The following PLXNA1 variants were observed in gnomAD, a reference collection of about 807,000 sequenced individuals.
PLXNA1 encodes plexin A1, also known as plexin-A1.
PLXNA1 carries 77 observed loss-of-function variants against 191.7 expected under a neutral mutation model. The observed-to-expected ratio is 0.40, with a 90% CI of 0.33 to 0.49. The LOEUF (loss-of-function observed/expected upper bound fraction) is 0.49. Ranked by LOEUF, PLXNA1 falls within the 20% of genes least tolerant of loss-of-function variation. The probability of loss-of-function intolerance (pLI) is 0.63; values close to 1 mark genes in which losing one functional copy is unlikely to be tolerated. For missense variants in PLXNA1, 2,110 were observed against 2,660.2 expected (o/e 0.79, Z 4.55); for synonymous variants, 1,137 against 1,156.4 (o/e 0.98, Z 0.34).
At chr3:127,005,780 A>C (rs1006608674) in intron 7 of PLXNA1, among the ~76,000 whole-genome samples, 9 of 151,546 alleles carry the variant, frequency 5.9e-5, no homozygotes, top group Non-Finnish European at 1.0e-4. Context: ...GGGGTGCAGG[A>C]CCCCTCTGGC....
intron 25 of PLXNA1, 60 bp from the exon 26 acceptor site, chr3:127,028,933 G>A: frequency 7.3e-7 from 1 of 1,361,956 alleles, no homozygotes; most frequent in Non-Finnish European, 1.0e-6. Context: ...CTACACTGCT[G>A]TGATGGAGGA....
At chr3:127,016,808 AC>A in intron 16 of PLXNA1, 124 bp downstream of exon 16, 2 of 1,387,620 alleles carry the variant, frequency 1.4e-6, no homozygotes, top group Non-Finnish European at 2.0e-6. Flanking sequence ...GCCGGGAAGC[AC>A]CCCTTGCCAA....
intron 7 of PLXNA1, among the ~76,000 whole-genome samples, chr3:127,005,861 A>G (rs1178466652): frequency 1.3e-5 from 2 of 151,964 alleles, no homozygotes. Flanking sequence ...GCCTGGGGAG[A>G]GTCTCGCGGT....
chr3:127,007,284 C>T (rs574165256), intron 8 of PLXNA1, among the ~76,000 whole-genome samples: 3 of 152,280 alleles, frequency 2.0e-5, no homozygotes, highest in Non-Finnish European at 2.9e-5. Flanking sequence ...CTGGCAGACC[C>T]TGGGGTGTGT....
chr3:126,991,397 A>G lies in PLXNA1; in HGVS notation c.1208A>G (p.Asp403Gly). ...CCCTTCCCACAGCCCCTGCAGATCGATGACGACTTCTGCGGGCAGGACTTC... is the reference window on the plus strand; with the variant it reads ...CCCTTCCCACAGCCCCTGCAGATCGGTGACGACTTCTGCGGGCAGGACTTC... ...LGCINSPLQI[D>G]DDFCGQDFNQ... is the part of the protein sequence containing the mutation. Residue 403 changes from aspartate (D) to glycine (G), a missense_variant, in exon 3 of 32, where the codon GAT (aspartate) becomes GGT (glycine). By Grantham distance (94) the Asp-to-Gly change is moderately conservative. Transcript: ENST00000393409. 5 of 1,612,730 alleles carry G rather than the reference A, an allele frequency of 3.1e-6. No individual in the cohort carries two copies. Among genetic ancestry groups the G allele is most frequent in the Non-Finnish European group, 4.2e-6 (5 of 1,179,864 alleles).
chr3:127,024,755 A>C (rs951378098), intron 23 of PLXNA1, among the ~76,000 whole-genome samples: 1 of 152,140 alleles, frequency 6.6e-6, no homozygotes, highest in African/African-American at 2.4e-5. Flanking sequence ...ACATGGCCTG[A>C]GGCTGAGAGG....
rs1335739492 is a variant in PLXNA1 at position 127,029,053 on chromosome 3, T to C, written c.4730T>C (p.Ile1577Thr). ...CAGGACGAGGACGTCACCACCAAGA[T>C]TGACAACGATTGGAAGAGGCTGAAC... Reference protein sequence around the residue: ...ILQDEDVTTKIDNDWKRLNTL... With the variant: ...ILQDEDVTTKTDNDWKRLNTL... Residue 1577 changes from isoleucine (I) to threonine (T), a missense_variant, in exon 26 of 32, where the codon ATT becomes ACT. Physicochemically the swap from Ile to Thr is moderately conservative, Grantham distance 89. Transcript: ENST00000393409. 6.8e-6 allele frequency: 11 copies of C among 1,613,656 alleles called. No homozygotes were observed. The highest frequency in any genetic ancestry group is 8.5e-6 in the Non-Finnish European group (10 of 1,179,902).
At chr3:126,989,939 C>G (rs1025666083) in intron 2 of PLXNA1, 152 bp downstream of exon 2, 1 of 684,682 alleles carries the variant, frequency 1.5e-6, no homozygotes, top group African/African-American at 1.8e-5. Flanking sequence ...TGGGGCTGCC[C>G]TTTTCCATCC....
At position 127,032,570 on chromosome 3, in the gene PLXNA1, C is replaced by T. The variant is rs151101470; in HGVS notation, c.5415C>T (p.Asp1805=). ...SPSNKLLYAK[D]IPNYKSWVER... is the part of the protein sequence containing the mutation. ...CCAACAAGCTGCTCTACGCCAAGGA[C>T]ATCCCCAACTACAAGAGCTGGGTGG... is the stretch of plus-strand genomic sequence containing the variant. The change falls in exon 30 of 32, where the codon GAC becomes GAT. Residue 1805 remains aspartate (D), a synonymous_variant. Coordinates refer to ENST00000393409, the MANE Select transcript of PLXNA1 (RefSeq NM_032242.4). 1.2e-4 allele frequency: 197 copies of T among 1,613,984 alleles called. No individual in the cohort carries two copies. In the African/African-American group the frequency reaches 2.1e-3, roughly 17 times the overall value.
chr3:127,014,854 C>G (rs2079115009), intron 14 of PLXNA1, 23 bp downstream of exon 14: 2 of 1,606,608 alleles, frequency 1.2e-6, no homozygotes, highest in Non-Finnish European at 1.7e-6. Context: ...CCCTCCCTCT[C>G]TCCCTATTCT....
In PLXNA1 at chr3:127,017,576, C is replaced by T. The variant is rs761931707; in HGVS notation, c.3428C>T (p.Ser1143Phe). The change falls in exon 18 of 32, where the codon TCC becomes TTC. Residue 1143 changes from serine (S) to phenylalanine (F), a missense_variant. Ser to Phe is a radical substitution (Grantham distance 155). Transcript: ENST00000393409. ...TCCCTGCTTGTGCTCAACTCCACCT[C>T]CTTCCTCTACTACCCTGACCCCGTA... The part of the protein sequence containing the change: ...VRSLLVLNST[S>F]FLYYPDPVLE... 18 of 1,613,816 alleles carry T rather than the reference C, an allele frequency of 1.1e-5. No homozygotes were observed. Among genetic ancestry groups the T allele is most frequent in the South Asian group, 2.2e-5 (2 of 91,082 alleles).
intron 20 of PLXNA1, 133 bp from the exon 21 acceptor site, chr3:127,020,069 A>G (rs1489266009): frequency 2.7e-6 from 3 of 1,106,566 alleles, no homozygotes; most frequent in East Asian, 2.4e-5. Flanking sequence ...GAAGAGGCAC[A>G]GTAGTTTCCT....
At chr3:127,014,418 G>T (rs748943990) in intron 12 of PLXNA1, 43 bp downstream of exon 12, 5 of 1,571,072 alleles carry the variant, frequency 3.2e-6, no homozygotes, top group Non-Finnish European at 4.3e-6. Flanking sequence ...GCCCCGCCCT[G>T]CACCACCGCA....
intron 20 of PLXNA1, 77 bp from the exon 21 acceptor site, chr3:127,020,125 G>A: frequency 6.5e-7 from 1 of 1,544,958 alleles, no homozygotes; most frequent in Non-Finnish European, 8.8e-7. Flanking sequence ...TTTGATGTAG[G>A]CCCCAAGAGT....
At chr3:127,010,631 G>C (rs532138416) in intron 9 of PLXNA1, among the ~76,000 whole-genome samples, 1 of 152,096 alleles carries the variant, frequency 6.6e-6, no homozygotes, top group Non-Finnish European at 1.5e-5. Context: ...GCCTTGATGC[G>C]TGCTGGGCCC....
intron 21 of PLXNA1, among the ~76,000 whole-genome samples, chr3:127,020,748 G>A (rs2079148212): frequency 1.3e-5 from 2 of 152,232 alleles, no homozygotes; most frequent in Admixed American, 6.5e-5. Context: ...GGTCCCGCCT[G>A]CGGCTCCACT....
chr3:126,994,728 G>A (rs960333384), intron 3 of PLXNA1, among the ~76,000 whole-genome samples: 14 of 152,136 alleles, frequency 9.2e-5, no homozygotes, highest in African/African-American at 3.1e-4. Context: ...CCCAACCTGT[G>A]TGTGGGGCTG....
chr3:127,006,625 A>G (rs115001905), intron 8 of PLXNA1, among the ~76,000 whole-genome samples: 105 of 152,220 alleles, frequency 6.9e-4, no homozygotes, highest in African/African-American at 2.5e-3. Context: ...TGGGGGCCTG[A>G]GCAGGGGCCC....
intron 3 of PLXNA1, among the ~76,000 whole-genome samples, chr3:126,992,661 G>A (rs558616383): frequency 1.6e-4 from 24 of 152,118 alleles, no homozygotes; most frequent in African/African-American, 4.1e-4. Flanking sequence ...CTTGGGGCCC[G>A]TGGGGGCCCA....
Sources: allele counts gnomAD v4.1 joint callset (sites outside exome capture counted in the v4.1 genomes callset), GRCh38; gene constraint gnomAD v4.1.1; transcripts MANE v1.5; gene names NCBI Gene and HGNC (gene_info 2026-07-23, HGNC 2026-07-21).